The following FTO variants were observed in gnomAD, a reference collection of about 807,000 sequenced individuals.
FTO encodes the protein FTO alpha-ketoglutarate dependent dioxygenase.
In FTO, 47 loss-of-function variants were observed where a neutral mutation model predicts 63.9. That is an observed-to-expected ratio of 0.74 (90% confidence interval 0.58 to 0.94). FTO has a LOEUF of 0.94. Among genes scored for constraint, FTO ranks in the 40% least tolerant of loss-of-function variants. The pLI is 0.00. For synonymous variants in FTO, 207 were observed against 224.4 expected (o/e 0.92, Z 0.69); for missense variants, 562 against 618.1 (o/e 0.91, Z 0.96).
rs556647952 is a variant in FTO, at chr16:53,894,013, A to G, written c.1239+5062A>G. 2.5e-4 allele frequency among the ~76,000 whole-genome samples: 38 copies of G among 152,344 alleles called. No homozygotes were observed. In the Middle Eastern group the frequency reaches 0.01, roughly 41 times the overall value. On this transcript the variant is annotated intron_variant, in intron 7 of 8. Transcript: ENST00000471389. Reference sequence around the variant, plus strand: ...AACATATAATTATGTTAGGTAAGCTATAGGCTACATTTAATTCTATCCATT... The same window carrying G: ...AACATATAATTATGTTAGGTAAGCTGTAGGCTACATTTAATTCTATCCATT...
intron 1 of FTO, among the ~76,000 whole-genome samples, chr16:53,722,065 T>G (rs934055796): frequency 6.6e-6 from 1 of 152,210 alleles, no homozygotes; most frequent in Non-Finnish European, 1.5e-5. Context: ...CACCAGACTG[T>G]GAGGTCTTTT....
At chr16:54,024,739 T>A (rs1384702949) in intron 8 of FTO, among the ~76,000 whole-genome samples, 1 of 152,174 alleles carries the variant, frequency 6.6e-6, no homozygotes, top group Non-Finnish European at 1.5e-5. Flanking sequence ...TTATATTAGT[T>A]TATATATTTA....
chr16:54,082,200 G>T (rs1414297387), intron 8 of FTO, among the ~76,000 whole-genome samples: 1 of 152,128 alleles, frequency 6.6e-6, no homozygotes, highest in East Asian at 1.9e-4. Context: ...AATGAGGGTG[G>T]TGTCACTCTC....
At chr16:53,998,235 T>C (rs1227348341) in intron 8 of FTO, 1 of 152,134 alleles carries the variant, frequency 6.6e-6, no homozygotes, top group Non-Finnish European at 1.5e-5. Context: ...CAAAAAGCAG[T>C]AGTGAGGAAA....
chr16:53,945,281 A>T (rs2082628646), intron 8 of FTO, among the ~76,000 whole-genome samples: 2 of 152,198 alleles, frequency 1.3e-5, no homozygotes, highest in Non-Finnish European at 2.9e-5. Flanking sequence ...TTTAACAACA[A>T]TAGCAGCTGA....
chr16:53,704,037 G>A (rs1598445771), upstream of FTO: 4 of 862,222 alleles, frequency 4.6e-6, no homozygotes, highest in Non-Finnish European at 7.7e-6. Flanking sequence ...TGTCGCCGCG[G>A]TGCATCCTGG....
chr16:54,083,043 G>C (rs573379009), intron 8 of FTO, among the ~76,000 whole-genome samples: 1 of 152,068 alleles, frequency 6.6e-6, no homozygotes, highest in South Asian at 2.1e-4. Context: ...TTTTATTAAG[G>C]GTTTTATTAA....
chr16:53,843,818 A>AATT (rs58456057), intron 3 of FTO, among the ~76,000 whole-genome samples: 55 of 68,358 alleles, frequency 8.0e-4, no homozygotes, highest in East Asian at 1.0e-3. Context: ...TTAAAAAGTA[A>AATT]TTTTTTTTTT....
chr16:53,780,894 A>C (rs1290274337), intron 1 of FTO, among the ~76,000 whole-genome samples: 1 of 152,184 alleles, frequency 6.6e-6, no homozygotes, highest in Non-Finnish European at 1.5e-5. Context: ...AGCATCTTTT[A>C]TGGTTTCTGA....
intron 2 of FTO, among the ~76,000 whole-genome samples, chr16:53,811,902 C>T (rs1205828404): frequency 6.6e-6 from 1 of 151,852 alleles, no homozygotes; most frequent in African/African-American, 2.4e-5. Flanking sequence ...AACCTCTGCC[C>T]CCTGGGCCCA....
intron 8 of FTO, among the ~76,000 whole-genome samples, chr16:54,048,270 AAAAG>A (rs2085231473): frequency 7.7e-6 from 1 of 129,876 alleles, no homozygotes; most frequent in Admixed American, 7.5e-5. Context: ...AAAAAAAAAA[AAAAG>A]AAGCTAAGAT....
chr16:53,811,710 C>G (rs2078529298), intron 2 of FTO, among the ~76,000 whole-genome samples: 1 of 152,150 alleles, frequency 6.6e-6, no homozygotes, highest in Non-Finnish European at 1.5e-5. Context: ...ACCTTTTATC[C>G]ACACTGGATT....
At chr16:53,909,226 T>C (rs1318876724) in intron 7 of FTO, among the ~76,000 whole-genome samples, 2 of 152,322 alleles carry the variant, frequency 1.3e-5, no homozygotes, top group Admixed American at 6.5e-5. Flanking sequence ...TAACAAACTG[T>C]TATTAAATTT....
At chr16:53,753,086 C>A (rs1180763653) in intron 1 of FTO, among the ~76,000 whole-genome samples, 3 of 151,648 alleles carry the variant, frequency 2.0e-5, no homozygotes, top group East Asian at 3.9e-4. Context: ...CATGGTGAAA[C>A]CTTGTCTCTA....
intron 7 of FTO, among the ~76,000 whole-genome samples, chr16:53,931,092 G>A (rs1435197460): frequency 6.6e-6 from 1 of 151,982 alleles, no homozygotes; most frequent in Non-Finnish European, 1.5e-5. Flanking sequence ...GGAAAACAAG[G>A]GCCCCTGGAT....
chr16:54,005,705 GA>G (rs1420541956), intron 8 of FTO, among the ~76,000 whole-genome samples: 1 of 152,098 alleles, frequency 6.6e-6, no homozygotes, highest in Non-Finnish European at 1.5e-5. Context: ...TGTCATTAAA[GA>G]TACAAAAAGG....
At chr16:53,968,837 A>G (rs1198738898) in intron 8 of FTO, among the ~76,000 whole-genome samples, 1 of 152,176 alleles carries the variant, frequency 6.6e-6, no homozygotes, top group East Asian at 1.9e-4. Context: ...TAAGGAGGAT[A>G]TTTGAAAGTT....
intron 7 of FTO, among the ~76,000 whole-genome samples, chr16:53,921,270 C>T (rs983622952): frequency 6.6e-6 from 1 of 152,186 alleles, no homozygotes; most frequent in Non-Finnish European, 1.5e-5. Context: ...CAGTGTTTTA[C>T]ACTTCATATA....
intron 8 of FTO, among the ~76,000 whole-genome samples, chr16:54,032,011 A>T (rs2084843251): frequency 6.6e-6 from 1 of 152,200 alleles, no homozygotes; most frequent in Non-Finnish European, 1.5e-5. Context: ...ACTTAGACCA[A>T]TATATGGGAG....
Sources: gnomAD v4.1 joint callset for allele counts (sites outside exome capture counted in the v4.1 genomes callset) on GRCh38, gnomAD v4.1.1 for gene constraint, MANE v1.5 for transcripts, NCBI Gene and HGNC (gene_info 2026-07-23, HGNC 2026-07-21) for gene names.